Variants in FMNL2 observed in about 807,000 individuals in gnomAD.
The protein encoded by FMNL2 is formin-like protein 2.
In FMNL2, 51 loss-of-function variants were observed where a neutral mutation model predicts 130.2. The observed-to-expected ratio is 0.39, with a 90% CI of 0.31 to 0.49. FMNL2 has a LOEUF of 0.49. Among genes scored for constraint, FMNL2 ranks in the 20% least tolerant of loss-of-function variants. The pLI is 0.85. For missense variants in FMNL2, 977 were observed against 1,316.2 expected (o/e 0.74, Z 3.99); for synonymous variants, 465 against 467.1 (o/e 1.00, Z 0.06).
intron 1 of FMNL2, among the ~76,000 whole-genome samples, chr2:152,418,879 T>C (rs1686757438): frequency 6.6e-6 from 1 of 152,142 alleles, no homozygotes; most frequent in Non-Finnish European, 1.5e-5. Flanking sequence ...TGAGGAAGCA[T>C]CATACTGTTT....
intron 1 of FMNL2, among the ~76,000 whole-genome samples, chr2:152,458,732 A>G (rs1444782605): frequency 6.6e-6 from 1 of 152,174 alleles, no homozygotes; most frequent in African/African-American, 2.4e-5. Flanking sequence ...TGATGCTGGT[A>G]TAGGTGGCCC....
At position 152,647,779 on chromosome 2, in the gene FMNL2, C is replaced by T. The variant is rs1559040537; in HGVS notation, c.3170-17C>T. 6.2e-7 allele frequency: 1 copy of T among 1,611,618 alleles called. No individual in the cohort carries two copies. The highest frequency in any genetic ancestry group is 8.5e-7 in the Non-Finnish European group (1 of 1,177,782). ...TTAAAGGTTGCTATTCTCTCACTGG[C>T]ACTCTCCCCTTTACAGATCTTAGAA... is the stretch of plus-strand genomic sequence containing the variant. On this transcript the variant is annotated splice_polypyrimidine_tract_variant and intron_variant, in intron 25 of 25. Coordinates refer to ENST00000288670, the MANE Select transcript of FMNL2 (RefSeq NM_052905.4).
At chr2:152,412,447 TA>T (rs199522867) in intron 1 of FMNL2, among the ~76,000 whole-genome samples, 2,403 of 7,868 alleles carry the variant, frequency 0.31, 124 homozygotes, top group East Asian at 0.5. Flanking sequence ...CTGTATATTT[TA>T]TATATATATA....
intron 1 of FMNL2, among the ~76,000 whole-genome samples, chr2:152,393,392 C>A (rs1685224906): frequency 6.6e-6 from 1 of 152,180 alleles, no homozygotes; most frequent in Non-Finnish European, 1.5e-5. Context: ...TATTTATAAA[C>A]TTGCCTATAT....
chr2:152,597,855 CCTT>C (rs1430703090), intron 9 of FMNL2, among the ~76,000 whole-genome samples: 1 of 152,192 alleles, frequency 6.6e-6, no homozygotes, highest in Non-Finnish European at 1.5e-5. Context: ...AGCGCAAAAT[CCTT>C]CTGCTTAAGA....
In FMNL2 at chr2:152,590,980, C is replaced by CT. The variant is rs1158391663; in HGVS notation, c.876+9975dup. Among the ~76,000 whole-genome samples, 31 of 65,790 alleles carry CT rather than the reference C, an allele frequency of 4.7e-4. 4 individuals are homozygous for CT. The highest frequency in any genetic ancestry group is 8.6e-4 in the Admixed American group (4 of 4,630). 43.2% of individuals were successfully genotyped at this position (65,790 alleles called of 152,430 possible). A position where few individuals can be genotyped will look rare whatever the true frequency, so the allele number is the denominator to read the frequency against. ...CAGAGTTAGATTTTCCCTCTGATAACTTTTTTTTTTTTTTTTTTTTTTTTT... is the reference window on the plus strand; with the variant it reads ...CAGAGTTAGATTTTCCCTCTGATAACTTTTTTTTTTTTTTTTTTTTTTTTTT... On this transcript the variant is annotated intron_variant, in intron 9 of 25. Transcript: ENST00000288670.
chr2:152,606,021 G>A (rs1370071119), intron 9 of FMNL2, among the ~76,000 whole-genome samples: 1 of 152,222 alleles, frequency 6.6e-6, no homozygotes, highest in Admixed American at 6.5e-5. Flanking sequence ...AATGTACTAA[G>A]CATTGATGTA....
At chr2:152,502,682 G>A (rs555239309) in intron 1 of FMNL2, among the ~76,000 whole-genome samples, 2 of 152,210 alleles carry the variant, frequency 1.3e-5, no homozygotes, top group East Asian at 1.9e-4. Context: ...GCAAGACTCC[G>A]ACTCAAAAAA....
intron 1 of FMNL2, among the ~76,000 whole-genome samples, chr2:152,510,881 C>T (rs909078035): frequency 1.7e-4 from 26 of 152,140 alleles, no homozygotes; most frequent in African/African-American, 5.6e-4. Context: ...CTGATAAACA[C>T]GTGTTGTGGT....
At chr2:152,434,985 A>T (rs1579655632) in intron 1 of FMNL2, among the ~76,000 whole-genome samples, 1 of 151,988 alleles carries the variant, frequency 6.6e-6, no homozygotes, top group East Asian at 1.9e-4. Context: ...AGCACTCAAC[A>T]TCTAGATGGC....
intron 1 of FMNL2, among the ~76,000 whole-genome samples, chr2:152,368,898 A>G (rs578148403): frequency 7.9e-6 from 1 of 126,834 alleles, no homozygotes; most frequent in African/African-American, 3.0e-5. Context: ...GGAATAGTTC[A>G]ATTTTGCATG....
At chr2:152,409,831 G>A (rs933460520) in intron 1 of FMNL2, among the ~76,000 whole-genome samples, 4 of 152,166 alleles carry the variant, frequency 2.6e-5, no homozygotes, top group Non-Finnish European at 5.9e-5. Context: ...ATTGCTTAGG[G>A]GCAAAGCTGG....
chr2:152,561,718 C>T (rs1480549852), intron 6 of FMNL2, among the ~76,000 whole-genome samples: 3 of 152,090 alleles, frequency 2.0e-5, no homozygotes, highest in Non-Finnish European at 4.4e-5. Flanking sequence ...GGATTACAGG[C>T]ACCTGCCACC....
rs1382298705 is a variant in FMNL2 at position 152,636,444 on chromosome 2, T to C, written c.2698T>C (p.Leu900=). The C allele has an allele frequency of 6.2e-7, 1 of 1,612,012 alleles. No individual in the cohort carries two copies. Among genetic ancestry groups the C allele is most frequent in the African/African-American group, 1.3e-5 (1 of 74,932 alleles). The change falls in exon 22 of 26, where the codon TTG becomes CTG. Residue 900 remains leucine (L), a synonymous_variant. Coordinates refer to ENST00000288670, the MANE Select transcript of FMNL2 (RefSeq NM_052905.4). ...TGCTTTAGTCTCCCTTGAGAATGTT[T>C]TGCTGGATGTCAAGGAGCTCCAGAG... is the stretch of plus-strand genomic sequence containing the variant. ...KAAAVSLENV[L]LDVKELQRGM... is the part of the protein sequence containing the mutation.
chr2:152,419,337 T>C (rs968047920), intron 1 of FMNL2, among the ~76,000 whole-genome samples: 2 of 152,200 alleles, frequency 1.3e-5, no homozygotes, highest in Admixed American at 1.3e-4. Context: ...AAATGTACAG[T>C]ATGCTATTAT....
intron 2 of FMNL2, among the ~76,000 whole-genome samples, chr2:152,541,425 T>A (rs1036046290): frequency 6.6e-6 from 1 of 152,204 alleles, no homozygotes; most frequent in African/African-American, 2.4e-5. Flanking sequence ...ATTTAAACTT[T>A]TTTTTGTGAG....
At chr2:152,376,842 G>A (rs898427291) in intron 1 of FMNL2, among the ~76,000 whole-genome samples, 12 of 152,188 alleles carry the variant, frequency 7.9e-5, no homozygotes, top group Admixed American at 6.5e-4. Context: ...TGTTTGGTTA[G>A]GACACCAGTT....
intron 25 of FMNL2, among the ~76,000 whole-genome samples, chr2:152,645,889 G>C (rs1683510040): frequency 6.6e-6 from 1 of 152,160 alleles, no homozygotes. Flanking sequence ...AAGATCTTTA[G>C]AACTAATTGC....
At chr2:152,401,585 A>T (rs957399226) in intron 1 of FMNL2, among the ~76,000 whole-genome samples, 1 of 152,218 alleles carries the variant, frequency 6.6e-6, no homozygotes, top group East Asian at 1.9e-4. Flanking sequence ...GTTCATGACC[A>T]TGTCAGCGGC....
Sources: gnomAD v4.1 joint callset for allele counts (sites outside exome capture counted in the v4.1 genomes callset) on GRCh38, gnomAD v4.1.1 for gene constraint, MANE v1.5 for transcripts, NCBI Gene and HGNC (gene_info 2026-07-23, HGNC 2026-07-21) for gene names.